MCPH1: variants seen among roughly 807,000 people sequenced by gnomAD.
MCPH1 encodes the protein microcephalin.
Under a neutral mutation model 84.5 loss-of-function variants are expected in MCPH1, and 104 were observed. That is an observed-to-expected ratio of 1.23 (90% CI 1.05 to 1.45). The LOEUF is 1.45. Among genes scored for constraint, MCPH1 ranks in the 40% most tolerant of loss-of-function variants. The pLI, the probability that MCPH1 is intolerant of heterozygous loss-of-function variation, is 0.00. For synonymous variants in MCPH1, 514 were observed against 366.8 expected (o/e 1.40, Z -4.58); for missense variants, 1,498 against 1,005.7 (o/e 1.49, Z -6.62).
intron 9 of MCPH1, among the ~76,000 whole-genome samples, chr8:6,460,762 C>T (rs1453729298): frequency 1.3e-5 from 2 of 152,056 alleles, no homozygotes; most frequent in African/African-American, 4.8e-5. Flanking sequence ...GTGAGGCTAG[C>T]TGTCCCCTGG....
At chr8:6,432,121 T>C (rs1192602760) in intron 4 of MCPH1, among the ~76,000 whole-genome samples, 1 of 152,138 alleles carries the variant, frequency 6.6e-6, no homozygotes, top group Non-Finnish European at 1.5e-5. Context: ...CCTACACAAA[T>C]CCTCCCGTAT....
At chr8:6,519,502 A>G (rs781101284) in intron 12 of MCPH1, among the ~76,000 whole-genome samples, 2 of 152,248 alleles carry the variant, frequency 1.3e-5, no homozygotes, top group African/African-American at 2.4e-5. Context: ...CTGATGCACT[A>G]TGGTTGTTCA....
chr8:6,440,252 T>G (rs1167099235), intron 6 of MCPH1, among the ~76,000 whole-genome samples: 2 of 152,206 alleles, frequency 1.3e-5, no homozygotes, highest in African/African-American at 2.4e-5. Flanking sequence ...GTTTTTTTGT[T>G]AAGCCATTTT....
chr8:6,470,382 C>T (rs1039820433), intron 9 of MCPH1, among the ~76,000 whole-genome samples: 1 of 152,150 alleles, frequency 6.6e-6, no homozygotes, highest in African/African-American at 2.4e-5. Flanking sequence ...CTCCCGGGTT[C>T]AAGCGATTCT....
chr8:6,625,886 C>A (rs550080926), intron 13 of MCPH1: 395 of 985,146 alleles, frequency 4.0e-4, no homozygotes, highest in Non-Finnish European at 4.6e-4. Context: ...GGGTGGAGAA[C>A]CAGGAGTTTT....
At chr8:6,527,513 G>C in intron 12 of MCPH1, 1 of 1,592,240 alleles carries the variant, frequency 6.3e-7, no homozygotes, top group Non-Finnish European at 8.6e-7. Flanking sequence ...TATCTGGAAA[G>C]TGTGCAGTCC....
chr8:6,420,672 A>G (rs1800045552), intron 3 of MCPH1, among the ~76,000 whole-genome samples: 1 of 152,060 alleles, frequency 6.6e-6, no homozygotes, highest in Non-Finnish European at 1.5e-5. Flanking sequence ...CTCTGCTGTT[A>G]CAGTCGAGAC....
intron 12 of MCPH1, among the ~76,000 whole-genome samples, chr8:6,546,537 A>AT (rs1423464497): frequency 8.8e-6 from 1 of 113,584 alleles, no homozygotes; most frequent in Non-Finnish European, 1.8e-5. Context: ...AAAATAAAGG[A>AT]TCTTTTTTTA....
chr8:6,528,976 C>T (rs1348483025), intron 12 of MCPH1, among the ~76,000 whole-genome samples: 2 of 152,222 alleles, frequency 1.3e-5, no homozygotes, highest in Non-Finnish European at 2.9e-5. Flanking sequence ...TGGCCTACGT[C>T]TTCTTTGAGT....
chr8:6,506,881 C>T (rs945647910), intron 12 of MCPH1, among the ~76,000 whole-genome samples: 4 of 150,998 alleles, frequency 2.6e-5, no homozygotes, highest in African/African-American at 9.7e-5. Context: ...TTACTAAATC[C>T]TCCTTTTGAC....
intron 11 of MCPH1, among the ~76,000 whole-genome samples, chr8:6,492,730 A>G (rs1331687696): frequency 7.0e-5 from 6 of 85,436 alleles, no homozygotes. Context: ...TAAATTATCA[A>G]ATAAATATTA....
Position 6,643,211 on chromosome 8 carries a change from CT to C in MCPH1, c.*165del, listed in dbSNP as rs1190571128. 2 of 695,450 alleles carry C rather than the reference CT, an allele frequency of 2.9e-6. No homozygotes were observed. The highest frequency in any genetic ancestry group is 1.8e-5 in the African/African-American group (1 of 56,690). 43.1% of individuals were successfully genotyped at this position (695,450 alleles called of 1,614,324 possible). A position where few individuals can be genotyped will look rare whatever the true frequency, so the allele number is the denominator to read the frequency against. Reference sequence around the variant, plus strand: ...GTGGTTCTTAAGAACTCATAGGTGACTTTCTGATGACTGAATGTCTGTTTCA... The same window carrying C: ...GTGGTTCTTAAGAACTCATAGGTGACTTCTGATGACTGAATGTCTGTTTCA... On this transcript the variant is annotated 3_prime_UTR_variant, in exon 14 of 14. Coordinates refer to ENST00000344683, the MANE Select transcript of MCPH1 (RefSeq NM_024596.5).
In MCPH1 at chr8:6,433,196, G is replaced by C. The variant is rs182953948; in HGVS notation, c.321+1610G>C. ...TTTTTCCGGTATTCATGTACTTTTAGTCACTGTCAGTTTTTGCTAAGTATA... is the reference window on the plus strand; with the variant it reads ...TTTTTCCGGTATTCATGTACTTTTACTCACTGTCAGTTTTTGCTAAGTATA... On this transcript the variant is annotated intron_variant, in intron 4 of 13. Transcript: ENST00000344683. Among the ~76,000 whole-genome samples, 20 of 152,176 alleles carry C rather than the reference G, an allele frequency of 1.3e-4. No homozygotes were observed. In the East Asian group the frequency reaches 3.9e-3, roughly 29 times the overall value.
chr8:6,445,374 A>C lies in MCPH1; in HGVS notation c.1652A>C (p.Glu551Ala). The change falls in exon 8 of 14, where the codon GAA becomes GCA. Residue 551 changes from glutamate (E) to alanine (A), a missense_variant. By Grantham distance (107) the Glu-to-Ala change is moderately radical (BLOSUM62 -1). Coordinates refer to ENST00000344683, the MANE Select transcript of MCPH1 (RefSeq NM_024596.5). ...ACTCCTTTGGAAGGAAGCCTTGAAG[A>C]AATGAAAGAAGCGGTTGGTCTGAAA... ...DLTPLEGSLE[E>A]MKEAVGLKST... 1.9e-6 allele frequency: 3 copies of C among 1,614,274 alleles called. No homozygotes were observed. The South Asian group carries it at 3.3e-5, about 18-fold the overall frequency.
intron 13 of MCPH1, chr8:6,626,417 T>G: frequency 1.0e-6 from 1 of 985,204 alleles, no homozygotes; most frequent in South Asian, 4.7e-5. Flanking sequence ...GCCAAGATTC[T>G]TGATGAATCA....
At chr8:6,591,121 T>G (rs1828419614) in intron 12 of MCPH1, among the ~76,000 whole-genome samples, 1 of 152,234 alleles carries the variant, frequency 6.6e-6, no homozygotes, top group Non-Finnish European at 1.5e-5. Context: ...GTTCTCAAAC[T>G]CCTGACCTCA....
At chr8:6,486,775 A>C (rs1809980120) in intron 11 of MCPH1, among the ~76,000 whole-genome samples, 2 of 152,218 alleles carry the variant, frequency 1.3e-5, no homozygotes, top group African/African-American at 4.8e-5. Context: ...GACAGGAAGT[A>C]ACACAACAGA....
At chr8:6,586,205 C>T (rs1480994937) in intron 12 of MCPH1, among the ~76,000 whole-genome samples, 1 of 152,124 alleles carries the variant, frequency 6.6e-6, no homozygotes, top group Non-Finnish European at 1.5e-5. Context: ...AAGTGATCCT[C>T]CTGCCTCAGC....
At chr8:6,492,417 G>C (rs1052083170) in intron 11 of MCPH1, among the ~76,000 whole-genome samples, 2 of 151,572 alleles carry the variant, frequency 1.3e-5, no homozygotes, top group African/African-American at 2.4e-5. Context: ...CTCACATTCT[G>C]TAGGTTGCCT....
Sources: allele counts gnomAD v4.1 joint callset (sites outside exome capture counted in the v4.1 genomes callset), GRCh38; gene constraint gnomAD v4.1.1; transcripts MANE v1.5; gene names NCBI Gene and HGNC (gene_info 2026-07-23, HGNC 2026-07-21).